PARVB: variants seen among roughly 807,000 people sequenced by gnomAD.
The protein encoded by PARVB is parvin beta.
Under a neutral mutation model 47.0 loss-of-function variants are expected in PARVB, and 46 were observed. The ratio of observed to expected loss-of-function variants is 0.98; its 90% CI spans 0.77 to 1.25. The LOEUF is 1.25. PARVB is among the 50% of genes most tolerant of loss of function. The pLI is 0.00. For synonymous variants in PARVB, 196 were observed against 196.3 expected, an observed-to-expected ratio of 1.00 and a Z score of 0.01; for missense variants, 473 against 471.6, an observed-to-expected ratio of 1.00 and a Z score of -0.03.
At chr22:44,126,017 G>T (rs531235097) in intron 4 of PARVB, among the ~76,000 whole-genome samples, 1 of 152,214 alleles carries the variant, frequency 6.6e-6, no homozygotes, top group Non-Finnish European at 1.5e-5. Context: ...TTGGGAGTAG[G>T]GTGGGAGGTT....
chr22:44,080,587 C>T (rs1191184836), intron 1 of PARVB, among the ~76,000 whole-genome samples: 1 of 152,214 alleles, frequency 6.6e-6, no homozygotes, highest in Non-Finnish European at 1.5e-5. Context: ...AAGGTCCTTA[C>T]CTAATCACAT....
intron 2 of PARVB, among the ~76,000 whole-genome samples, chr22:44,094,436 G>A (rs56653756): frequency 1.2e-3 from 183 of 152,344 alleles, no homozygotes; most frequent in African/African-American, 4.2e-3. Context: ...CACATGGAAA[G>A]CACTAGTGTG....
rs1345453716 is a variant in PARVB, at chr22:44,024,458, GCGCGCC to G, written c.112+17_112+22del. On this transcript the variant is annotated splice_region_variant and intron_variant, in intron 1 of 12. Coordinates refer to ENST00000338758, the MANE Select transcript of PARVB (RefSeq NM_013327.5). ...AAGCGGAGGGCGCGCGAGGGTGAGTGCGCGCCCGCGCCCGCCGACCCCCGGGGACCT... is the reference window on the plus strand; with the variant it reads ...AAGCGGAGGGCGCGCGAGGGTGAGTGCGCGCCCGCCGACCCCCGGGGACCT... 6 of 1,150,002 alleles carry G rather than the reference GCGCGCC, an allele frequency of 5.2e-6. No individual in the cohort carries two copies. Among genetic ancestry groups the G allele is most frequent in the Middle Eastern group, 3.7e-4 (1 of 2,726 alleles). 71.2% of individuals were successfully genotyped at this position (1,150,002 alleles called of 1,614,324 possible). A position where few individuals can be genotyped will look rare whatever the true frequency, so the allele number is the denominator to read the frequency against.
chr22:44,093,789 TG>T, intron 1 of PARVB, 138 bp from the exon 2 acceptor site: 1 of 606,524 alleles, frequency 1.6e-6, no homozygotes, highest in Non-Finnish European at 2.9e-6. Context: ...TGACTCTTTC[TG>T]GGCAACAGAC....
intron 1 of PARVB, among the ~76,000 whole-genome samples, chr22:44,066,780 T>TCTTCTCCTCCTCCTCCTCCTCCTCCTC (rs752513022): frequency 2.1e-5 from 1 of 48,080 alleles, no homozygotes; most frequent in African/African-American, 9.5e-5. Flanking sequence ...CTTAATTATT[T>TCTTCTCCTCCTCCTCCTCCTCCTCCTC]CTCCTCCTCC....
At chr22:44,141,447 A>G (rs553645352) in intron 8 of PARVB, 2 of 152,340 alleles carry the variant, frequency 1.3e-5, no homozygotes, top group East Asian at 3.9e-4. Context: ...GGAGGCTGGG[A>G]GACTAAGCCA....
chr22:44,129,732 G>A (rs1363778785), intron 4 of PARVB, among the ~76,000 whole-genome samples: 4 of 152,178 alleles, frequency 2.6e-5, no homozygotes, highest in Non-Finnish European at 5.9e-5. Context: ...AGCGGGAATC[G>A]TTTCCACTCC....
Position 44,172,613 on chromosome 22 carries a change from G to A in PARVB, c.*3935G>A, listed in dbSNP as rs562995587. 3.3e-4 allele frequency: 74 copies of A among 222,622 alleles called. No individual in the cohort carries two copies. In the Middle Eastern group the frequency reaches 7.5e-3, roughly 22 times the overall value. 13.8% of individuals were successfully genotyped at this position (222,622 alleles called of 1,614,324 possible). A position where few individuals can be genotyped will look rare whatever the true frequency, so the allele number is the denominator to read the frequency against. ...ACCGAGCCCAGAGTCCCGCTGGGCC[G>A]TGGTGTCCTAATTGTCTTGGTGACA... On this transcript the variant is annotated 3_prime_UTR_variant, in exon 13 of 13. Coordinates refer to ENST00000338758, the MANE Select transcript of PARVB (RefSeq NM_013327.5).
chr22:44,146,106 C>G (rs533089693), intron 8 of PARVB: 5 of 152,158 alleles, frequency 3.3e-5, no homozygotes, highest in Non-Finnish European at 5.9e-5. Context: ...CACATGCGCT[C>G]ACACAGGCAC....
intron 1 of PARVB, among the ~76,000 whole-genome samples, chr22:44,053,467 G>A (rs2051248828): frequency 6.6e-6 from 1 of 152,190 alleles, no homozygotes; most frequent in East Asian, 1.9e-4. Flanking sequence ...GCGCTGCCCT[G>A]AATGGGTGTT....
chr22:44,166,645 G>GGT (rs1228426326), intron 12 of PARVB, among the ~76,000 whole-genome samples: 1 of 152,210 alleles, frequency 6.6e-6, no homozygotes, highest in African/African-American at 2.4e-5. Context: ...GGGTCCCTTG[G>GGT]GTGTCCCAGG....
At position 44,042,149 on chromosome 22, in the gene PARVB, C is replaced by T. The variant is rs188851193; in HGVS notation, c.112+17698C>T. ...CACTTAAGAAAATCTAGGCTGGGCG[C>T]GGTGGCTCATGCCTGTAATCCCAGC... On this transcript the variant is annotated intron_variant, in intron 1 of 12. Coordinates refer to ENST00000338758, the MANE Select transcript of PARVB (RefSeq NM_013327.5). Among the ~76,000 whole-genome samples the T allele has an allele frequency of 4.4e-4, 67 of 152,108 alleles. No homozygotes were observed. The East Asian group carries it at 6.8e-3, about 15-fold the overall frequency.
intron 2 of PARVB, among the ~76,000 whole-genome samples, chr22:44,011,099 C>T (rs1445485309): frequency 6.6e-6 from 1 of 152,010 alleles, no homozygotes; most frequent in East Asian, 1.9e-4. Flanking sequence ...GCTGCGATTA[C>T]AGGCGTGAGC....
At chr22:44,117,365 G>A (rs2052931687) in intron 3 of PARVB, among the ~76,000 whole-genome samples, 1 of 151,650 alleles carries the variant, frequency 6.6e-6, no homozygotes, top group Non-Finnish European at 1.5e-5. Flanking sequence ...AAGCCAGTGA[G>A]TGTGGGGGTC....
chr22:44,070,019 T>A (rs2051620807), intron 1 of PARVB, among the ~76,000 whole-genome samples: 1 of 152,200 alleles, frequency 6.6e-6, no homozygotes, highest in Admixed American at 6.5e-5. Flanking sequence ...GCGCCCATCG[T>A]GACGGTCGGC....
chr22:44,031,172 C>T (rs2050819625), intron 1 of PARVB, among the ~76,000 whole-genome samples: 1 of 152,192 alleles, frequency 6.6e-6, no homozygotes, highest in South Asian at 2.1e-4. Flanking sequence ...GAAGGAAAGG[C>T]ACAGTGAGGT....
intron 10 of PARVB, among the ~76,000 whole-genome samples, chr22:44,154,157 G>A (rs1160720630): frequency 6.6e-6 from 1 of 152,108 alleles, no homozygotes; most frequent in East Asian, 1.9e-4. Context: ...CTTACATTGA[G>A]ACTCTAAAAT....
At chr22:43,999,564 C>T in exon 2 of PARVB, 1 of 1,610,336 alleles carries the variant, frequency 6.2e-7, no homozygotes, top group Non-Finnish European at 8.5e-7. Context: ...GTGGGTGTTC[C>T]TGCAGCTGGG....
At position 44,093,708 on chromosome 22, in the gene PARVB, C is replaced by T. The variant is rs554186966; in HGVS notation, c.113-220C>T. On this transcript the variant is annotated intron_variant, in intron 1 of 12. Transcript: ENST00000338758. ...GTGAAAACAGACTGGCAGAGCTCAG[C>T]GAGACCTGGGAAATATTTGGGGTGG... 5.9e-5 allele frequency among the ~76,000 whole-genome samples: 9 copies of T among 152,280 alleles called. No homozygotes were observed. In the East Asian group the frequency reaches 9.6e-4, roughly 16 times the overall value.
Sources: allele counts gnomAD v4.1 joint callset (sites outside exome capture counted in the v4.1 genomes callset), GRCh38; gene constraint gnomAD v4.1.1; transcripts MANE v1.5; gene names NCBI Gene and HGNC (gene_info 2026-07-23, HGNC 2026-07-21).